The following TTC6 variants were observed in gnomAD, a reference collection of about 807,000 sequenced individuals.
TTC6 encodes tetratricopeptide repeat domain 6, also known as tetratricopeptide repeat protein 6.
Under a neutral mutation model 210.4 loss-of-function variants are expected in TTC6, and 172 were observed. That is an observed-to-expected ratio of 0.82 (90% CI 0.72 to 0.93). The LOEUF (loss-of-function observed/expected upper bound fraction) is 0.93, where lower values mean the gene tolerates loss of function less well. TTC6 is among the 40% of genes least tolerant of loss of function. The pLI is 0.00. For missense variants in TTC6, 2,414 were observed against 2,318.1 expected (o/e 1.04, Z -0.85); for synonymous variants, 804 against 819.6 (o/e 0.98, Z 0.32).
At chr14:37,749,967 A>T (rs2139025473) in intron 12 of TTC6, 124 bp downstream of exon 14, 1 of 595,146 alleles carries the variant, frequency 1.7e-6, no homozygotes, top group Non-Finnish European at 2.4e-6. Flanking sequence ...CCTCAGTTAA[A>T]TTTTTTTACT....
At chr14:37,715,786 G>C (rs897616419) in intron 6 of TTC6, among the ~76,000 whole-genome samples, 1 of 152,088 alleles carries the variant, frequency 6.6e-6, no homozygotes, top group Non-Finnish European at 1.5e-5. Context: ...GACATTCTCA[G>C]ATAGAAGGAA....
intron 29 of TTC6, among the ~76,000 whole-genome samples, chr14:37,840,300 A>G (rs1371068817): frequency 6.6e-6 from 1 of 152,186 alleles, no homozygotes; most frequent in Non-Finnish European, 1.5e-5. Context: ...GATGAAGTTG[A>G]ATCTCTGAAT....
intron 1 of TTC6, among the ~76,000 whole-genome samples, chr14:37,670,552 C>T (rs746324137): frequency 6.1e-5 from 9 of 147,178 alleles, no homozygotes; most frequent in Non-Finnish European, 1.2e-4. Flanking sequence ...CTCACTGCAA[C>T]CTCCACCTCC....
chr14:37,601,847 C>T (rs567438367), intron 1 of TTC6, among the ~76,000 whole-genome samples: 4 of 152,252 alleles, frequency 2.6e-5, no homozygotes, highest in East Asian at 1.9e-4. Flanking sequence ...CACTTTTCCT[C>T]GCTGTAGAAA....
At chr14:37,688,588 GGA>G (rs142772632) in intron 3 of TTC6, among the ~76,000 whole-genome samples, 7 of 150,850 alleles carry the variant, frequency 4.6e-5, no homozygotes, top group South Asian at 2.1e-4. Flanking sequence ...TTGGCTCAGG[GGA>G]GAGAGAGAGA....
Position 37,606,173 on chromosome 14 carries a change from A to T in TTC6, c.-234-490A>T, listed in dbSNP as rs1032222937. On this transcript the variant is annotated intron_variant, in intron 1 of 2. Coordinates refer to the TTC6 transcript ENST00000556845. ...CTGGAGGTAATCAATGCCAGGGAGA[A>T]CCCTAAGGCAATGGAAGGTGTCTCA... is the stretch of plus-strand genomic sequence containing the variant. Among the ~76,000 whole-genome samples the T allele has an allele frequency of 6.9e-4, 105 of 152,050 alleles. 1 individual carries two copies. The highest frequency in any genetic ancestry group is 6.8e-3 in the Admixed American group (103 of 15,248).
At chr14:37,760,037 G>A (rs2095979361) in intron 14 of TTC6, among the ~76,000 whole-genome samples, 1 of 152,154 alleles carries the variant, frequency 6.6e-6, no homozygotes, top group South Asian at 2.1e-4. Context: ...CCAGTTTTGT[G>A]CCCTCACTGG....
intron 20 of TTC6, among the ~76,000 whole-genome samples, chr14:37,799,230 T>C (rs2096100034): frequency 6.6e-6 from 1 of 152,186 alleles, no homozygotes; most frequent in Admixed American, 6.5e-5. Context: ...TTTAAGACTT[T>C]TTATCAGCTT....
chr14:37,663,395 T>C (rs2095741370), intron 1 of TTC6, among the ~76,000 whole-genome samples: 2 of 152,190 alleles, frequency 1.3e-5, no homozygotes, highest in African/African-American at 4.8e-5. Context: ...GAAACTCAAA[T>C]GATGTTTTTG....
intron 25 of TTC6, among the ~76,000 whole-genome samples, chr14:37,813,716 C>A (rs1382880142): frequency 1.3e-5 from 2 of 152,056 alleles, no homozygotes; most frequent in Admixed American, 6.6e-5. Flanking sequence ...AAAGCGCTGG[C>A]GTTAATATAT....
chr14:37,810,060 G>C (rs1473765664), intron 24 of TTC6, among the ~76,000 whole-genome samples: 2 of 152,220 alleles, frequency 1.3e-5, no homozygotes, highest in South Asian at 2.1e-4. Flanking sequence ...AAATGTACAA[G>C]CTTTAGAAGG....
At chr14:37,795,378 C>G (rs1437292595) in intron 18 of TTC6, 26 bp downstream of exon 20, 12 of 1,424,408 alleles carry the variant, frequency 8.4e-6, no homozygotes, top group Non-Finnish European at 1.1e-5. Flanking sequence ...CTGAATTCTT[C>G]TTGGGATAAC....
intron 14 of TTC6, among the ~76,000 whole-genome samples, chr14:37,770,912 A>G (rs1226400689): frequency 6.9e-6 from 1 of 145,856 alleles, no homozygotes; most frequent in Admixed American, 7.0e-5. Context: ...TGGTCTTTAC[A>G]TTTTGGCATG....
At chr14:37,810,474 C>T (rs1333484286) in intron 24 of TTC6, among the ~76,000 whole-genome samples, 3 of 152,180 alleles carry the variant, frequency 2.0e-5, no homozygotes, top group South Asian at 2.1e-4. Flanking sequence ...AGCATTTCAT[C>T]CAATCTGCTC....
At chr14:37,690,995 A>T (rs948471932) in intron 3 of TTC6, among the ~76,000 whole-genome samples, 1 of 152,060 alleles carries the variant, frequency 6.6e-6, no homozygotes, top group South Asian at 2.1e-4. Flanking sequence ...TTAAAACATT[A>T]AAAAAACCCC....
chr14:37,792,980 G>T (rs1362477472), intron 17 of TTC6, among the ~76,000 whole-genome samples: 1 of 151,964 alleles, frequency 6.6e-6, no homozygotes, highest in Non-Finnish European at 1.5e-5. Flanking sequence ...ACAATAAATA[G>T]GAAAAATCCT....
chr14:37,711,818 G>T (rs1372087972), intron 5 of TTC6, among the ~76,000 whole-genome samples: 1 of 152,034 alleles, frequency 6.6e-6, no homozygotes, highest in Non-Finnish European at 1.5e-5. Flanking sequence ...GATATCACAG[G>T]ACTCAGTTGA....
intron 14 of TTC6, among the ~76,000 whole-genome samples, chr14:37,784,610 A>T (rs1595259625): frequency 6.6e-6 from 1 of 152,160 alleles, no homozygotes; most frequent in Admixed American, 6.5e-5. Context: ...TGGAGCATTT[A>T]GCCCATTTAC....
At chr14:37,699,937 G>A (rs2095821742) in intron 4 of TTC6, among the ~76,000 whole-genome samples, 1 of 152,108 alleles carries the variant, frequency 6.6e-6, no homozygotes, top group Admixed American at 6.6e-5. Context: ...TTTGGAAACT[G>A]GAGAAGGAAA....
Sources: gnomAD v4.1 joint callset for allele counts (sites outside exome capture counted in the v4.1 genomes callset) on GRCh38, gnomAD v4.1.1 for gene constraint, MANE v1.5 for transcripts, NCBI Gene and HGNC (gene_info 2026-07-23, HGNC 2026-07-21) for gene names.